Variants in CEP128 observed in about 807,000 individuals in gnomAD.
The protein encoded by CEP128 is centrosomal protein 128, also known as centrosomal protein 128kDa.
Under a neutral mutation model 156.7 loss-of-function variants are expected in CEP128, and 132 were observed. The observed-to-expected ratio is 0.84, with a 90% CI of 0.73 to 0.97. The LOEUF is 0.97. Ranked by LOEUF, CEP128 falls within the 50% of genes least tolerant of loss-of-function variation. The pLI is 0.00. For synonymous variants in CEP128, 469 were observed against 448.9 expected, an observed-to-expected ratio of 1.04 and a Z score of -0.57; for missense variants, 1,252 against 1,281.9, an observed-to-expected ratio of 0.98 and a Z score of 0.36.
rs180688122 is a variant in CEP128, at chr14:80,950,608, A to G, written c.-172+7570T>C. The stretch of plus-strand genomic sequence containing the variant: ...TCCATAATCAAAGACAAAAAGAAAA[A>G]TAATTTTTTACTGAGAAAAGCATCA... On this transcript the variant is annotated intron_variant, in intron 2 of 7. Transcript: ENST00000555529. Among the ~76,000 whole-genome samples, 29 of 152,322 alleles carry G rather than the reference A, an allele frequency of 1.9e-4. No individual in the cohort carries two copies. In the Middle Eastern group the frequency reaches 0.01, roughly 54 times the overall value.
intron 3 of CEP128, among the ~76,000 whole-genome samples, chr14:80,915,768 G>A (rs1361347885): frequency 2.0e-5 from 3 of 152,122 alleles, no homozygotes; most frequent in Non-Finnish European, 2.9e-5. Context: ...TCACTCTCAC[G>A]ATATTTTATT....
intron 19 of CEP128, among the ~76,000 whole-genome samples, chr14:80,595,095 CTAGA>C (rs1892255897): frequency 6.6e-6 from 1 of 152,140 alleles, no homozygotes; most frequent in Non-Finnish European, 1.5e-5. Context: ...CAATGATAGA[CTAGA>C]TAAAGAAAAT....
chr14:80,915,117 T>G (rs1005373816), intron 3 of CEP128, among the ~76,000 whole-genome samples: 3 of 152,194 alleles, frequency 2.0e-5, no homozygotes, highest in African/African-American at 7.2e-5. Flanking sequence ...AGTGGCATGA[T>G]CATGGCTCAC....
intron 24 of CEP128, among the ~76,000 whole-genome samples, chr14:80,497,860 G>T (rs892049596): frequency 1.3e-5 from 2 of 152,020 alleles, no homozygotes; most frequent in African/African-American, 4.8e-5. Flanking sequence ...AAACCACACC[G>T]GTGTGCACGT....
At chr14:80,795,782 C>G (rs1270558501) in intron 13 of CEP128, among the ~76,000 whole-genome samples, 1 of 152,078 alleles carries the variant, frequency 6.6e-6, no homozygotes, top group Non-Finnish European at 1.5e-5. Context: ...TGCAGGATAC[C>G]CCAAATATGT....
At chr14:80,928,109 G>A (rs951441078) in intron 2 of CEP128, among the ~76,000 whole-genome samples, 7 of 152,074 alleles carry the variant, frequency 4.6e-5, no homozygotes, top group East Asian at 3.9e-4. Flanking sequence ...GTGGGGCAGC[G>A]GGGAGAAGAA....
At chr14:80,614,347 G>A (rs1228443501) in intron 19 of CEP128, among the ~76,000 whole-genome samples, 1 of 152,078 alleles carries the variant, frequency 6.6e-6, no homozygotes, top group Non-Finnish European at 1.5e-5. Flanking sequence ...TGATACTGCT[G>A]ACTACATTCC....
chr14:80,760,544 G>A (rs1899908658), intron 17 of CEP128, among the ~76,000 whole-genome samples: 1 of 151,962 alleles, frequency 6.6e-6, no homozygotes, highest in Non-Finnish European at 1.5e-5. Context: ...AGAAACTGCT[G>A]AAAAATAAAA....
chr14:80,580,828 G>T (rs540132472), intron 19 of CEP128, among the ~76,000 whole-genome samples: 3 of 152,124 alleles, frequency 2.0e-5, no homozygotes, highest in Non-Finnish European at 2.9e-5. Context: ...CAAACCATTT[G>T]CCCTTAAAAC....
chr14:80,628,691 A>G (rs1893836273), intron 19 of CEP128, among the ~76,000 whole-genome samples: 1 of 152,106 alleles, frequency 6.6e-6, no homozygotes, highest in African/African-American at 2.4e-5. Flanking sequence ...GAGTAACACA[A>G]TCTTTTGGCA....
chr14:80,708,558 T>C (rs2619673), intron 19 of CEP128, among the ~76,000 whole-genome samples: 52,408 of 152,004 alleles, frequency 0.34, 9,334 homozygotes, highest in South Asian at 0.5. Context: ...TGCAGGTTAG[T>C]TACATATGTA....
chr14:80,768,561 G>A (rs1900357743), intron 16 of CEP128, among the ~76,000 whole-genome samples: 1 of 152,100 alleles, frequency 6.6e-6, no homozygotes, highest in Non-Finnish European at 1.5e-5. Context: ...CCAAAAGAGG[G>A]GAAGAAGTTA....
intron 21 of CEP128, among the ~76,000 whole-genome samples, chr14:80,556,482 C>T (rs1329651664): frequency 6.6e-6 from 1 of 152,032 alleles, no homozygotes; most frequent in Non-Finnish European, 1.5e-5. Context: ...AGTTTCTAAT[C>T]CAAGGAGCTT....
chr14:80,823,648 G>A (rs1364957256), intron 13 of CEP128, among the ~76,000 whole-genome samples: 1 of 151,966 alleles, frequency 6.6e-6, no homozygotes, highest in East Asian at 1.9e-4. Context: ...TTGATTCCAT[G>A]TCTCACAACC....
At position 80,496,780 on chromosome 14, in the gene CEP128, G is replaced by C. The variant is rs964927333; in HGVS notation, c.*699C>G. ...CCAGGATATGACTGAAGTGATCACA[G>C]TAGGATATTTGGCCACAAAAAGACA... On this transcript the variant is annotated 3_prime_UTR_variant, in exon 25 of 25. Coordinates refer to ENST00000555265, the MANE Select transcript of CEP128 (RefSeq NM_152446.5). 6.6e-6 allele frequency: 1 copy of C among 152,190 alleles called. No homozygotes were observed. The highest frequency in any genetic ancestry group is 1.5e-5 in the Non-Finnish European group (1 of 68,034). The allele number at this position is 152,190 out of a possible 1,614,324, so 9.4% of individuals were successfully genotyped here. A position where few individuals can be genotyped will look rare whatever the true frequency, so the allele number is the denominator to read the frequency against.
intron 8 of CEP128, among the ~76,000 whole-genome samples, chr14:80,868,360 C>T (rs1037603697): frequency 5.9e-5 from 9 of 152,008 alleles, no homozygotes; most frequent in African/African-American, 1.9e-4. Flanking sequence ...TAAACTGTAA[C>T]ATCAATAATG....
At chr14:80,486,081 T>G (rs542551854), downstream of CEP128, among the ~76,000 whole-genome samples, 1 of 152,276 alleles carries the variant, frequency 6.6e-6, no homozygotes, top group African/African-American at 2.4e-5. Flanking sequence ...GGGTGGGGAA[T>G]CCTTAGCAAA....
At chr14:80,489,521 T>A (rs1054240639), downstream of CEP128, among the ~76,000 whole-genome samples, 4 of 152,144 alleles carry the variant, frequency 2.6e-5, no homozygotes, top group Non-Finnish European at 5.9e-5. Flanking sequence ...AGGTAGAAGC[T>A]GGACTCAACC....
Position 80,851,697 on chromosome 14 carries a change from G to A in CEP128, c.763-10929C>T, listed in dbSNP as rs536687666. On this transcript the variant is annotated intron_variant, in intron 9 of 24. Coordinates refer to ENST00000555265, the MANE Select transcript of CEP128 (RefSeq NM_152446.5). Reference sequence around the variant, plus strand: ...AACACTTTAAAATATTCCAATAATCGCAGTAAGTATAAAATGACTAATGCA... The same window carrying A: ...AACACTTTAAAATATTCCAATAATCACAGTAAGTATAAAATGACTAATGCA... 2.6e-5 allele frequency among the ~76,000 whole-genome samples: 4 copies of A among 151,414 alleles called. No individual in the cohort carries two copies. The East Asian group carries it at 7.7e-4, about 29-fold the overall frequency.
Sources: allele counts gnomAD v4.1 joint callset (sites outside exome capture counted in the v4.1 genomes callset), GRCh38; gene constraint gnomAD v4.1.1; transcripts MANE v1.5; gene names NCBI Gene and HGNC (gene_info 2026-07-23, HGNC 2026-07-21).